The following ZNF423 variants were observed in gnomAD, a reference collection of about 807,000 sequenced individuals.
ZNF423 encodes Ebf-associated zinc finger protein.
Under a neutral mutation model 95.8 loss-of-function variants are expected in ZNF423, and 12 were observed. That is an observed-to-expected ratio of 0.13 (90% CI 0.08 to 0.20). ZNF423 has a LOEUF of 0.20. Among genes scored for constraint, ZNF423 ranks in the 10% least tolerant of loss-of-function variants. ZNF423 has a pLI of 1.00. For synonymous variants in ZNF423, 749 were observed against 711.9 expected (o/e 1.05, Z -0.83); for missense variants, 1,316 against 1,737.1 (o/e 0.76, Z 4.31).
chr16:49,557,255 G>C (rs901697423), intron 5 of ZNF423, among the ~76,000 whole-genome samples: 1 of 152,196 alleles, frequency 6.6e-6, no homozygotes, highest in African/African-American at 2.4e-5. Flanking sequence ...GTGAGGCCAC[G>C]GTAAATTCTG....
intron 3 of ZNF423, chr16:49,711,385 G>A (rs2032538760): frequency 6.6e-6 from 1 of 152,188 alleles, no homozygotes; most frequent in African/African-American, 2.4e-5. Context: ...GTAGGGAGAT[G>A]TACCCGCTGA....
At chr16:49,586,993 T>A (rs1970861170) in intron 5 of ZNF423, among the ~76,000 whole-genome samples, 1 of 152,092 alleles carries the variant, frequency 6.6e-6, no homozygotes, top group African/African-American at 2.4e-5. Context: ...TCTCGTTGGT[T>A]TTGATGAGGG....
Position 49,762,952 on chromosome 16 carries a change from C to G in ZNF423, c.100+26535G>C, listed in dbSNP as rs184390796. On this transcript the variant is annotated intron_variant, in intron 2 of 7. Coordinates refer to ENST00000563137, the MANE Select transcript of ZNF423 (RefSeq NM_001379286.1). Reference sequence around the variant, plus strand: ...TCATGATCATAGCTCACTGCAGCCTCGGACTCCTGGACTCAAGCAATCCTC... The same window carrying G: ...TCATGATCATAGCTCACTGCAGCCTGGGACTCCTGGACTCAAGCAATCCTC... 3.7e-4 allele frequency among the ~76,000 whole-genome samples: 56 copies of G among 152,324 alleles called. 2 individuals are homozygous for G. The highest frequency in any genetic ancestry group is 1.3e-3 in the African/African-American group (53 of 41,576).
chr16:49,730,629 G>T, intron 3 of ZNF423, 142 bp downstream of exon 3: 1 of 860,716 alleles, frequency 1.2e-6, no homozygotes, highest in Non-Finnish European at 1.8e-6. Flanking sequence ...CGGATACAGG[G>T]TACCCAAGAC....
intron 1 of ZNF423, among the ~76,000 whole-genome samples, chr16:49,840,384 A>G (rs2035170464): frequency 1.3e-5 from 2 of 152,196 alleles, no homozygotes; most frequent in Non-Finnish European, 2.9e-5. Flanking sequence ...GGAAATGCCA[A>G]TATAAATTTA....
At chr16:49,738,598 G>A (rs1342301780) in intron 2 of ZNF423, among the ~76,000 whole-genome samples, 1 of 152,170 alleles carries the variant, frequency 6.6e-6, no homozygotes, top group African/African-American at 2.4e-5. Context: ...GCCTTGTGGG[G>A]TTTCGAGGGG....
At chr16:49,593,980 A>C (rs1174624050) in intron 5 of ZNF423, among the ~76,000 whole-genome samples, 1 of 152,124 alleles carries the variant, frequency 6.6e-6, no homozygotes, top group African/African-American at 2.4e-5. Flanking sequence ...CCCCTGCAGG[A>C]GAACAGGAGG....
chr16:49,548,248 C>G (rs1403203702), intron 5 of ZNF423, among the ~76,000 whole-genome samples: 1 of 152,136 alleles, frequency 6.6e-6, no homozygotes, highest in Non-Finnish European at 1.5e-5. Flanking sequence ...ATGTCACTTG[C>G]TACAGTAAAA....
chr16:49,615,435 G>C (rs1165385014), intron 5 of ZNF423, among the ~76,000 whole-genome samples: 1 of 152,168 alleles, frequency 6.6e-6, no homozygotes, highest in Admixed American at 6.5e-5. Flanking sequence ...GATGGGACAG[G>C]AGGGTTCTGG....
chr16:49,757,322 G>A (rs2033745803), intron 2 of ZNF423, among the ~76,000 whole-genome samples: 1 of 152,140 alleles, frequency 6.6e-6, no homozygotes, highest in South Asian at 2.1e-4. Context: ...ATCTCCTACA[G>A]TCTGAACTTC....
chr16:49,655,862 A>G (rs9972754), intron 3 of ZNF423, among the ~76,000 whole-genome samples: 420 of 152,254 alleles, frequency 2.8e-3, no homozygotes, highest in African/African-American at 9.7e-3. Context: ...TTTCTTCCAC[A>G]AACCCACGCA....
intron 2 of ZNF423, among the ~76,000 whole-genome samples, chr16:49,757,205 G>T (rs2033743527): frequency 6.6e-6 from 1 of 152,174 alleles, no homozygotes; most frequent in African/African-American, 2.4e-5. Flanking sequence ...ATTTATAAAT[G>T]AGGCCAAGAA....
At chr16:49,512,644 A>T (rs1967946133) in intron 7 of ZNF423, among the ~76,000 whole-genome samples, 1 of 152,234 alleles carries the variant, frequency 6.6e-6, no homozygotes, top group Non-Finnish European at 1.5e-5. Context: ...ATCCTATTGG[A>T]AAAGGGCCAC....
At position 49,656,041 on chromosome 16, in the gene ZNF423, C is replaced by T. The variant is rs529814445; in HGVS notation, c.302-17167G>A. Among the ~76,000 whole-genome samples, 89 of 151,994 alleles carry T rather than the reference C, an allele frequency of 5.9e-4. 1 individual carries two copies. The South Asian group carries it at 0.017, about 29-fold the overall frequency. On this transcript the variant is annotated intron_variant, in intron 3 of 7. Coordinates refer to ENST00000563137, the MANE Select transcript of ZNF423 (RefSeq NM_001379286.1). Reference sequence around the variant, plus strand: ...CCCCCACCCTGGCTACCTAGGGACCCGAGTCAAAGGTCTTCTGACTTCCAG... The same window carrying T: ...CCCCCACCCTGGCTACCTAGGGACCTGAGTCAAAGGTCTTCTGACTTCCAG...
intron 1 of ZNF423, among the ~76,000 whole-genome samples, chr16:49,801,384 T>C (rs2034580929): frequency 6.6e-6 from 1 of 152,058 alleles, no homozygotes; most frequent in Non-Finnish European, 1.5e-5. Context: ...GAGTCCCAAA[T>C]AAGAGAAATA....
intron 5 of ZNF423, among the ~76,000 whole-genome samples, chr16:49,599,609 A>C (rs1971292250): frequency 6.6e-6 from 1 of 152,192 alleles, no homozygotes; most frequent in Admixed American, 6.5e-5. Context: ...GTACAACCCA[A>C]GCACCCAGCA....
Position 49,603,067 on chromosome 16 carries a change from G to A in ZNF423, c.3601+23103C>T, listed in dbSNP as rs190342999. On this transcript the variant is annotated intron_variant, in intron 5 of 7. Coordinates refer to ENST00000563137, the MANE Select transcript of ZNF423 (RefSeq NM_001379286.1). This position sits in a 1 kb window ranked among gnomAD's most constrained non-coding sequence, Gnocchi z 4.1. ...AGGGAGGATGGGAGGAGGAGGTTCC[G>A]AAACACTGGTGCGAGAAAAGGGTCT... 4.6e-4 allele frequency among the ~76,000 whole-genome samples: 70 copies of A among 152,274 alleles called. No individual in the cohort carries two copies. Among genetic ancestry groups the A allele is most frequent in the African/African-American group, 1.5e-3 (63 of 41,568 alleles).
At position 49,757,442 on chromosome 16, in the gene ZNF423, T is replaced by C. The variant is rs1005260288; in HGVS notation, c.101-26471A>G. ...CCCCTGCTCCTACCAACAGCAAGGC[T>C]TGATCAGCCACCTGCTTGAAGTTAA... On this transcript the variant is annotated intron_variant, in intron 2 of 7. Coordinates refer to ENST00000563137, the MANE Select transcript of ZNF423 (RefSeq NM_001379286.1). 5.9e-5 allele frequency among the ~76,000 whole-genome samples: 9 copies of C among 152,232 alleles called. 1 individual carries two copies. Among genetic ancestry groups the C allele is most frequent in the Admixed American group, 5.2e-4 (8 of 15,278 alleles).
Position 49,726,947 on chromosome 16 carries a change from G to A in ZNF423, c.301+3824C>T, listed in dbSNP as rs763751104. ...ACATGTTATGTGACAAACACAGAAC[G>A]TGAAAACGTATGTGCTCACAACCCC... On this transcript the variant is annotated intron_variant, in intron 3 of 7. Transcript: ENST00000563137. Among the ~76,000 whole-genome samples, 10 of 150,370 alleles carry A rather than the reference G, an allele frequency of 6.7e-5. 1 individual carries two copies. The highest frequency in any genetic ancestry group is 6.3e-4 in the South Asian group (3 of 4,756).
Sources: allele counts gnomAD v4.1 joint callset (sites outside exome capture counted in the v4.1 genomes callset), GRCh38; gene constraint gnomAD v4.1.1; non-coding constraint Gnocchi (gnomAD v3.1); transcripts MANE v1.5; gene names NCBI Gene and HGNC (gene_info 2026-07-23, HGNC 2026-07-21).